The following PKHD1 variants were observed in gnomAD, a reference collection of about 807,000 sequenced individuals.
The protein encoded by PKHD1 is fibrocystin.
A neutral mutation model predicts 412.0 loss-of-function variants in PKHD1; 291 were observed. The observed-to-expected ratio is 0.71, with a 90% CI of 0.64 to 0.78. The LOEUF (loss-of-function observed/expected upper bound fraction) is 0.78. Among genes scored for constraint, PKHD1 ranks in the 30% least tolerant of loss-of-function variants. The pLI is 0.00. For missense variants in PKHD1, 4,825 were observed against 4,950.7 expected, an observed-to-expected ratio of 0.97 and a Z score of 0.76; for synonymous variants, 1,777 against 1,821.5, an observed-to-expected ratio of 0.98 and a Z score of 0.62.
At chr6:51,729,380 A>G (rs1008462901) in intron 60 of PKHD1, among the ~76,000 whole-genome samples, 1 of 152,196 alleles carries the variant, frequency 6.6e-6, no homozygotes, top group East Asian at 1.9e-4. Context: ...TTCCATATAA[A>G]TGAGTTATAC....
At chr6:52,010,000 G>T (rs935015990) in intron 35 of PKHD1, among the ~76,000 whole-genome samples, 5 of 151,986 alleles carry the variant, frequency 3.3e-5, no homozygotes, top group Non-Finnish European at 7.4e-5. Flanking sequence ...ATTTTGTGAA[G>T]AAATAAACCA....
At chr6:51,682,234 C>T (rs1425942107) in intron 60 of PKHD1, 5 of 455,330 alleles carry the variant, frequency 1.1e-5, no homozygotes, top group Non-Finnish European at 1.8e-5. Flanking sequence ...TTCTTTTGTC[C>T]CCAGGAGACC....
rs1809325697 is a variant in PKHD1, at chr6:52,065,030, G to A, written c.901C>T (p.His301Tyr). 1.3e-6 allele frequency: 2 copies of A among 1,594,126 alleles called. No individual in the cohort carries two copies. Among genetic ancestry groups the A allele is most frequent in the South Asian group, 2.2e-5 (2 of 90,538 alleles). ...CACTCAATCTTCCTGGGAGACACGT[G>A]TCTAATATCACATGGAATGCCTAAA... ...TIAGIPCDIR[H>Y]VSPRKIECTT... Residue 301 changes from histidine to tyrosine, a missense_variant, in exon 13 of 67, where the codon CAC becomes TAC. His to Tyr is a moderately conservative substitution (Grantham distance 83). Coordinates refer to ENST00000371117, the MANE Select transcript of PKHD1 (RefSeq NM_138694.4).
chr6:51,621,627 T>C (rs1428224248), intron 66 of PKHD1, among the ~76,000 whole-genome samples: 1 of 152,126 alleles, frequency 6.6e-6, no homozygotes, highest in Non-Finnish European at 1.5e-5. Context: ...AAATCTCCCA[T>C]GAATTATTTA....
rs886044598 is a variant in PKHD1, at chr6:52,082,403, T to C, written c.270A>G (p.Thr90=). 3 of 1,614,130 alleles carry C rather than the reference T, an allele frequency of 1.9e-6. No homozygotes were observed. The highest frequency in any genetic ancestry group is 1.7e-6 in the Non-Finnish European group (2 of 1,179,980). The change falls in exon 4 of 67, where the codon ACA becomes ACG. Residue 90 remains threonine (T), a synonymous_variant. Coordinates refer to ENST00000371117, the MANE Select transcript of PKHD1 (RefSeq NM_138694.4). ...CCAGACAGGTATACCTGGTCCGGCA[T>C]GTCACCACAGGCAAATCCAAGAAAA... The part of the protein sequence containing the change: ...FPVFLDLPVV[T]CRTRSVLSEA...
intron 66 of PKHD1, among the ~76,000 whole-genome samples, chr6:51,625,574 T>C (rs1767121223): frequency 6.6e-6 from 1 of 152,124 alleles, no homozygotes. Flanking sequence ...TCTAAACTTT[T>C]CCACAGAGCC....
chr6:52,086,452 G>T (rs1374357394), intron 1 of PKHD1, among the ~76,000 whole-genome samples: 2 of 151,874 alleles, frequency 1.3e-5, no homozygotes, highest in African/African-American at 4.8e-5. Flanking sequence ...ATTAGCAGAA[G>T]TAGTTACATC....
At chr6:51,751,675 T>A (rs1786133833) in intron 57 of PKHD1, among the ~76,000 whole-genome samples, 1 of 152,182 alleles carries the variant, frequency 6.6e-6, no homozygotes, top group African/African-American at 2.4e-5. Context: ...TCATTCATAT[T>A]TATTAAGTAC....
chr6:52,078,035 A>G (rs539539292), intron 5 of PKHD1, among the ~76,000 whole-genome samples: 2 of 152,290 alleles, frequency 1.3e-5, no homozygotes, highest in East Asian at 1.9e-4. Context: ...CAAATAAGGA[A>G]GCATACCTCT....
intron 66 of PKHD1, chr6:51,622,547 C>T (rs999608142): frequency 2.0e-5 from 3 of 152,120 alleles, no homozygotes; most frequent in African/African-American, 7.2e-5. Flanking sequence ...AATGTATATG[C>T]CATAATTAAA....
chr6:51,808,682 C>T (rs1764218988), intron 52 of PKHD1, among the ~76,000 whole-genome samples: 2 of 151,958 alleles, frequency 1.3e-5, no homozygotes, highest in South Asian at 2.1e-4. Flanking sequence ...TTCTAATGTC[C>T]CTTAATTTAC....
rs1421831903 is a variant in PKHD1, at chr6:51,804,371, GGGC to G, written c.8303-13001_8303-12999del. Among the ~76,000 whole-genome samples, 359 of 75,588 alleles carry G rather than the reference GGGC, an allele frequency of 4.7e-3. 42 individuals carry two copies. The highest frequency in any genetic ancestry group is 0.016 in the African/African-American group (315 of 20,248). 49.6% of individuals were successfully genotyped at this position (75,588 alleles called of 152,430 possible). On this transcript the variant is annotated intron_variant, in intron 52 of 66. Coordinates refer to ENST00000371117, the MANE Select transcript of PKHD1 (RefSeq NM_138694.4). ...AATACTAATTCATTGGGGGGGGGGG[GGGC>G]GGTAACAGGAGAAATTAAGCGAAAT...
chr6:51,889,448 C>A (rs1043846954), intron 43 of PKHD1, among the ~76,000 whole-genome samples: 1 of 152,076 alleles, frequency 6.6e-6, no homozygotes, highest in African/African-American at 2.4e-5. Context: ...TCATATTTAG[C>A]AAATAAAAAC....
chr6:51,731,341 T>C (rs536724922), intron 60 of PKHD1, among the ~76,000 whole-genome samples: 14 of 152,324 alleles, frequency 9.2e-5, no homozygotes, highest in Admixed American at 3.9e-4. Context: ...AAATAGCTCC[T>C]CTTGTGGAAC....
chr6:51,853,085 C>T (rs1392934756), intron 49 of PKHD1, among the ~76,000 whole-genome samples: 1 of 151,866 alleles, frequency 6.6e-6, no homozygotes, highest in African/African-American at 2.4e-5. Context: ...TCTTTCAGCT[C>T]TTGCAGGGCA....
rs1778996514 is a variant in PKHD1, at chr6:51,697,972, G to A, written c.10157-38003C>T. ...CATTCAACAAATACCTAGGAGATAGGAAGTAAGGAAAGGATCACATTATAT... is the reference window on the plus strand; with the variant it reads ...CATTCAACAAATACCTAGGAGATAGAAAGTAAGGAAAGGATCACATTATAT... On this transcript the variant is annotated intron_variant, in intron 60 of 66. Coordinates refer to ENST00000371117, the MANE Select transcript of PKHD1 (RefSeq NM_138694.4). Among the ~76,000 whole-genome samples, 7 of 152,302 alleles carry A rather than the reference G, an allele frequency of 4.6e-5. 1 individual carries two copies. In the South Asian group the frequency reaches 1.5e-3, roughly 32 times the overall value.
In PKHD1 at chr6:52,010,411, G is replaced by A; in HGVS notation, c.5649C>T (p.Asn1883=). ...DEVLIYNSSC[N]ITMETEAEME... ...TCTCTGCCTCAGTTTCCATGGTAATGTTACAGGAGCTATTATAGATGAGAA... is the reference window on the plus strand; with the variant it reads ...TCTCTGCCTCAGTTTCCATGGTAATATTACAGGAGCTATTATAGATGAGAA... The change falls in exon 35 of 67, where the codon AAC becomes AAT. Residue 1883 remains asparagine (N), a synonymous_variant. Coordinates refer to ENST00000371117, the MANE Select transcript of PKHD1 (RefSeq NM_138694.4). 6.2e-7 allele frequency: 1 copy of A among 1,609,246 alleles called. No individual in the cohort carries two copies. The highest frequency in any genetic ancestry group is 8.5e-7 in the Non-Finnish European group (1 of 1,175,632).
intron 66 of PKHD1, 37 bp downstream of exon 66, chr6:51,626,960 C>G (rs766285965): frequency 1.2e-6 from 2 of 1,609,012 alleles, no homozygotes; most frequent in African/African-American, 1.3e-5. Flanking sequence ...CACAGTGGGT[C>G]TCTCCTGTGG....
intron 60 of PKHD1, among the ~76,000 whole-genome samples, chr6:51,681,347 T>C (rs1002904139): frequency 2.0e-5 from 3 of 152,028 alleles, no homozygotes; most frequent in Non-Finnish European, 4.4e-5. Context: ...CCACCAACCC[T>C]GAATAAACAC....
Sources: allele counts gnomAD v4.1 joint callset (sites outside exome capture counted in the v4.1 genomes callset), GRCh38; gene constraint gnomAD v4.1.1; transcripts MANE v1.5; gene names NCBI Gene and HGNC (gene_info 2026-07-23, HGNC 2026-07-21).